The following NALF1 variants were observed in gnomAD, a reference collection of about 807,000 sequenced individuals.
NALF1 encodes family with sequence similarity 155 member A.
In NALF1, 3 loss-of-function variants were observed where a neutral mutation model predicts 48.4. The ratio of observed to expected loss-of-function variants is 0.06; its 90% CI spans 0.03 to 0.16. The LOEUF is 0.16. Among genes scored for constraint, NALF1 ranks in the 10% least tolerant of loss-of-function variants. The probability of loss-of-function intolerance (pLI) is 1.00; values close to 1 mark genes in which losing one functional copy is unlikely to be tolerated. For missense variants in NALF1, 526 were observed against 571.5 expected (o/e 0.92, Z 0.81); for synonymous variants, 262 against 245.7 (o/e 1.07, Z -0.62).
intron 1 of NALF1, among the ~76,000 whole-genome samples, chr13:107,373,024 A>G (rs562917553): frequency 6.6e-6 from 1 of 152,278 alleles, no homozygotes; most frequent in African/African-American, 2.4e-5. Flanking sequence ...ACTGGGGATG[A>G]TAATAATACA....
rs138292508 is a variant in NALF1, at chr13:107,219,384, A to C, written c.916-8629T>G. 4.3e-3 allele frequency among the ~76,000 whole-genome samples: 651 copies of C among 152,362 alleles called. 7 individuals carry two copies. The highest frequency in any genetic ancestry group is 0.015 in the African/African-American group (617 of 41,582). ...AAAAAGGCAGCAAGTGAACACTTCA[A>C]TATAAATTCAATTTTGGGCTCCACA... On this transcript the variant is annotated intron_variant, in intron 1 of 2. Coordinates refer to ENST00000375915, the MANE Select transcript of NALF1 (RefSeq NM_001080396.3).
chr13:107,281,096 T>G (rs189531527), intron 1 of NALF1, among the ~76,000 whole-genome samples: 2 of 152,356 alleles, frequency 1.3e-5, no homozygotes, highest in East Asian at 3.9e-4. Flanking sequence ...TGGTGAATTT[T>G]TAAATTTATT....
At chr13:107,742,029 C>T (rs1482474098) in intron 1 of NALF1, among the ~76,000 whole-genome samples, 1 of 152,164 alleles carries the variant, frequency 6.6e-6, no homozygotes, top group Non-Finnish European at 1.5e-5. Context: ...ATATCCATTA[C>T]ATATGTTTAC....
intron 1 of NALF1, among the ~76,000 whole-genome samples, chr13:107,600,254 G>A (rs1878884244): frequency 6.6e-6 from 1 of 152,154 alleles, no homozygotes; most frequent in Admixed American, 6.5e-5. Context: ...TAATGTGATA[G>A]TATCCTCTAT....
At chr13:107,704,192 G>A (rs1397053463) in intron 1 of NALF1, among the ~76,000 whole-genome samples, 1 of 152,092 alleles carries the variant, frequency 6.6e-6, no homozygotes, top group Admixed American at 6.6e-5. Context: ...ACATTTGTGC[G>A]AGTTCCCCAC....
rs960613351 is a variant in NALF1, at chr13:107,705,842, A to AT, written c.915+159839dup. Among the ~76,000 whole-genome samples the AT allele has an allele frequency of 3.4e-4, 51 of 150,876 alleles. No homozygotes were observed. In the South Asian group the frequency reaches 5.9e-3, roughly 17 times the overall value. ...TGCACATTTGGGAGGTTTCGCTTTT[A>AT]TTTTTTTTTCATTGACAGCTTATAT... On this transcript the variant is annotated intron_variant, in intron 1 of 2. Coordinates refer to ENST00000375915, the MANE Select transcript of NALF1 (RefSeq NM_001080396.3).
chr13:107,825,807 G>C (rs1457434010), intron 1 of NALF1, among the ~76,000 whole-genome samples: 1 of 150,910 alleles, frequency 6.6e-6, no homozygotes, highest in East Asian at 1.9e-4. Flanking sequence ...TTGTGAGGCA[G>C]TCTCGCTCTG....
intron 1 of NALF1, among the ~76,000 whole-genome samples, chr13:107,852,258 C>A (rs760092821): frequency 2.0e-5 from 3 of 152,136 alleles, no homozygotes; most frequent in Non-Finnish European, 4.4e-5. Flanking sequence ...ATATGAGTCA[C>A]ACATGATGAA....
intron 1 of NALF1, among the ~76,000 whole-genome samples, chr13:107,859,196 A>G (rs1321781598): frequency 6.6e-6 from 1 of 152,172 alleles, no homozygotes; most frequent in Non-Finnish European, 1.5e-5. Context: ...TAAGTCAGCA[A>G]TTTCTTAATG....
intron 1 of NALF1, among the ~76,000 whole-genome samples, chr13:107,817,570 T>C (rs977358780): frequency 1.3e-5 from 2 of 152,224 alleles, no homozygotes; most frequent in East Asian, 1.9e-4. Context: ...AAAGAAATCC[T>C]TGTTTTCCTT....
At chr13:107,365,383 A>G (rs1483760239) in intron 1 of NALF1, among the ~76,000 whole-genome samples, 3 of 152,078 alleles carry the variant, frequency 2.0e-5, no homozygotes, top group African/African-American at 7.2e-5. Flanking sequence ...AGCTCTCTCC[A>G]GTGTACTTTT....
intron 1 of NALF1, among the ~76,000 whole-genome samples, chr13:107,714,571 G>A (rs980311725): frequency 6.8e-6 from 1 of 147,772 alleles, no homozygotes; most frequent in African/African-American, 2.5e-5. Flanking sequence ...GGAGGTTGCA[G>A]TGAGCCGAGA....
At chr13:107,265,716 T>G (rs1019690417) in intron 1 of NALF1, among the ~76,000 whole-genome samples, 2 of 152,280 alleles carry the variant, frequency 1.3e-5, no homozygotes, top group Admixed American at 6.5e-5. Context: ...TACTTTTTTT[T>G]TTGTTTTTTA....
chr13:107,659,742 C>T (rs983947260), intron 1 of NALF1, among the ~76,000 whole-genome samples: 3 of 151,942 alleles, frequency 2.0e-5, no homozygotes, highest in African/African-American at 4.8e-5. Context: ...ATATATTCTT[C>T]TCTAAACATT....
chr13:107,562,125 A>T (rs1877664809), intron 1 of NALF1, among the ~76,000 whole-genome samples: 1 of 152,152 alleles, frequency 6.6e-6, no homozygotes, highest in Non-Finnish European at 1.5e-5. Context: ...ACATCTTGGA[A>T]ATGCAAATAT....
rs1555329721 is a variant in NALF1, at chr13:107,851,805, C to CA, written c.915+13876_915+13877insT. Among the ~76,000 whole-genome samples, 36 of 104,730 alleles carry CA rather than the reference C, an allele frequency of 3.4e-4. 2 individuals are homozygous for CA. In the South Asian group the frequency reaches 4.8e-3, roughly 14 times the overall value. The allele number at this position is 104,730 out of a possible 152,430, so 68.7% of individuals were successfully genotyped here. A position where few individuals can be genotyped will look rare whatever the true frequency, so the allele number is the denominator to read the frequency against. On this transcript the variant is annotated intron_variant, in intron 1 of 2. Transcript: ENST00000375915. The stretch of plus-strand genomic sequence containing the variant: ...GGATTAAGGGCTTTACAGGCCCTTT[C>CA]TTTTTTTTTTTTTTTTTTTTTGAGA...
At chr13:107,722,882 G>T (rs987254410) in intron 1 of NALF1, among the ~76,000 whole-genome samples, 1 of 152,200 alleles carries the variant, frequency 6.6e-6, no homozygotes, top group Non-Finnish European at 1.5e-5. Flanking sequence ...GGTCCCAAGC[G>T]TAAGGCATTG....
rs1327777333 is a variant in NALF1 at position 107,362,823 on chromosome 13, C to A, written c.916-152068G>T. On this transcript the variant is annotated intron_variant, in intron 1 of 2. Transcript: ENST00000375915. This position sits in a 1 kb window ranked among gnomAD's most constrained non-coding sequence, Gnocchi z 4.6. ...CTGAGTGGGCACACATATGGAGCAA[C>A]CAGGATGAATGTGAGCTTTTGGCAG... Among the ~76,000 whole-genome samples, 1 of 152,036 alleles carries A rather than the reference C, an allele frequency of 6.6e-6. No homozygotes were observed. Among genetic ancestry groups the A allele is most frequent in the African/African-American group, 2.4e-5 (1 of 41,388 alleles).
chr13:107,636,813 T>C (rs183872452), intron 1 of NALF1, among the ~76,000 whole-genome samples: 9 of 151,306 alleles, frequency 5.9e-5, no homozygotes, highest in African/African-American at 1.7e-4. Context: ...TAAAAGTACA[T>C]AATATATGAG....
Sources: allele counts gnomAD v4.1 joint callset (sites outside exome capture counted in the v4.1 genomes callset), GRCh38; gene constraint gnomAD v4.1.1; non-coding constraint Gnocchi (gnomAD v3.1); transcripts MANE v1.5; gene names NCBI Gene and HGNC (gene_info 2026-07-23, HGNC 2026-07-21).